The following DACH1 variants were observed in gnomAD, a reference collection of about 807,000 sequenced individuals.
DACH1 encodes dachshund family transcription factor 1.
In DACH1, 12 loss-of-function variants were observed where a neutral mutation model predicts 54.2. The observed-to-expected ratio is 0.22, with a 90% CI of 0.14 to 0.36. DACH1 has a LOEUF of 0.36. Ranked by LOEUF, DACH1 falls within the 10% of genes least tolerant of loss-of-function variation. The pLI is 1.00. For synonymous variants in DACH1, 386 were observed against 366.2 expected (o/e 1.05, Z -0.62); for missense variants, 805 against 929.8 (o/e 0.87, Z 1.75).
chr13:71,647,652 C>T (rs1878383404), intron 2 of DACH1, among the ~76,000 whole-genome samples: 1 of 152,092 alleles, frequency 6.6e-6, no homozygotes, highest in African/African-American at 2.4e-5. Flanking sequence ...TGGGATAGAA[C>T]ATGGGGCTGA....
intron 1 of DACH1, among the ~76,000 whole-genome samples, chr13:71,742,176 A>G (rs929309702): frequency 1.3e-5 from 2 of 152,132 alleles, no homozygotes. Flanking sequence ...GCCTCCTGCC[A>G]TGATTCTGAG....
intron 1 of DACH1, among the ~76,000 whole-genome samples, chr13:71,750,007 T>A (rs1392554313): frequency 6.6e-6 from 1 of 152,204 alleles, no homozygotes; most frequent in African/African-American, 2.4e-5. Context: ...AAGCAACTAT[T>A]TATGGAAGCA....
intron 1 of DACH1, among the ~76,000 whole-genome samples, chr13:71,684,801 C>T (rs181442731): frequency 6.6e-6 from 1 of 152,142 alleles, no homozygotes; most frequent in Non-Finnish European, 1.5e-5. Context: ...AATAATAACC[C>T]TATTCGTAAA....
intron 1 of DACH1, among the ~76,000 whole-genome samples, chr13:71,823,984 A>G (rs1374249452): frequency 6.6e-6 from 1 of 151,980 alleles, no homozygotes; most frequent in East Asian, 1.9e-4. Flanking sequence ...TATCAAGGAG[A>G]AATAGCTTAC....
At chr13:71,847,110 C>G (rs891263543) in intron 1 of DACH1, among the ~76,000 whole-genome samples, 1 of 151,982 alleles carries the variant, frequency 6.6e-6, no homozygotes, top group Non-Finnish European at 1.5e-5. Flanking sequence ...TGAGTATATA[C>G]ATATATGAAG....
At chr13:71,716,542 C>A (rs1202223044) in intron 1 of DACH1, among the ~76,000 whole-genome samples, 1 of 152,018 alleles carries the variant, frequency 6.6e-6, no homozygotes, top group Non-Finnish European at 1.5e-5. Flanking sequence ...ATGTGAGAAG[C>A]CCTACACCAA....
intron 1 of DACH1, among the ~76,000 whole-genome samples, chr13:71,732,122 C>T (rs1883777897): frequency 6.6e-6 from 1 of 152,124 alleles, no homozygotes; most frequent in Non-Finnish European, 1.5e-5. Context: ...TTATCTATAG[C>T]TCCATCTAGG....
intron 1 of DACH1, among the ~76,000 whole-genome samples, chr13:71,828,338 G>A (rs1594272008): frequency 1.3e-5 from 2 of 151,956 alleles, no homozygotes; most frequent in Non-Finnish European, 2.9e-5. Context: ...TAAGATCTGT[G>A]TCTGCTTCTC....
At position 71,577,299 on chromosome 13, in the gene DACH1, C is replaced by T. The variant is rs150470087; in HGVS notation, c.1127-4287G>A. Reference sequence around the variant, plus strand: ...TAGCTACCAAACGAGGTGGAAACATCCGCAATCCTTGAGTAATTCTGTTGG... The same window carrying T: ...TAGCTACCAAACGAGGTGGAAACATTCGCAATCCTTGAGTAATTCTGTTGG... On this transcript the variant is annotated intron_variant, in intron 3 of 10. Transcript: ENST00000613252. Among the ~76,000 whole-genome samples, 353 of 152,270 alleles carry T rather than the reference C, an allele frequency of 2.3e-3. 1 individual carries two copies. The highest frequency in any genetic ancestry group is 4.4e-3 in the Non-Finnish European group (297 of 68,016).
chr13:71,611,038 T>C (rs933148067), intron 3 of DACH1, among the ~76,000 whole-genome samples: 3 of 152,190 alleles, frequency 2.0e-5, no homozygotes, highest in Admixed American at 2.0e-4. Flanking sequence ...TATGATGCAA[T>C]GATCTCGTTG....
At chr13:71,502,615 G>C (rs562503715) in intron 6 of DACH1, among the ~76,000 whole-genome samples, 1 of 152,326 alleles carries the variant, frequency 6.6e-6, no homozygotes, top group South Asian at 2.1e-4. Context: ...TTCAGAAGGA[G>C]CAAGTCTCAT....
intron 1 of DACH1, among the ~76,000 whole-genome samples, chr13:71,780,248 G>A (rs1350501553): frequency 6.6e-6 from 1 of 152,074 alleles, no homozygotes; most frequent in Non-Finnish European, 1.5e-5. Context: ...CAAGTTGAGG[G>A]AACTGAGGAA....
intron 1 of DACH1, among the ~76,000 whole-genome samples, chr13:71,811,319 T>A (rs1566515368): frequency 6.6e-6 from 1 of 152,134 alleles, no homozygotes. Flanking sequence ...TAAAAAGTAG[T>A]TATTTAAAAA....
intron 1 of DACH1, among the ~76,000 whole-genome samples, chr13:71,746,448 GT>G (rs943230254): frequency 2.7e-4 from 41 of 152,052 alleles, no homozygotes; most frequent in African/African-American, 9.9e-4. Context: ...ACTGCAATAT[GT>G]TTTTTAAATG....
chr13:71,694,283 G>A (rs1041225559), intron 1 of DACH1, among the ~76,000 whole-genome samples: 2 of 152,194 alleles, frequency 1.3e-5, no homozygotes, highest in South Asian at 2.1e-4. Context: ...ACGTAATCCT[G>A]AAGCACAAAT....
intron 4 of DACH1, among the ~76,000 whole-genome samples, chr13:71,562,196 A>G (rs1284623275): frequency 1.3e-5 from 2 of 152,180 alleles, no homozygotes; most frequent in Non-Finnish European, 2.9e-5. Context: ...TTATACTAAA[A>G]AGCATTAGCC....
chr13:71,712,155 A>C (rs1418201227), intron 1 of DACH1, among the ~76,000 whole-genome samples: 2 of 152,150 alleles, frequency 1.3e-5, no homozygotes, highest in Non-Finnish European at 2.9e-5. Context: ...AAAATGACCC[A>C]TAATGTCTTT....
At chr13:71,526,927 C>T (rs1882009520) in intron 6 of DACH1, among the ~76,000 whole-genome samples, 2 of 151,616 alleles carry the variant, frequency 1.3e-5, no homozygotes, top group South Asian at 4.2e-4. Context: ...AGGCTCAGTT[C>T]TTCGTTGGAA....
chr13:71,627,776 C>CA (rs750553978), intron 3 of DACH1, among the ~76,000 whole-genome samples: 4 of 152,000 alleles, frequency 2.6e-5, no homozygotes, highest in Non-Finnish European at 4.4e-5. Context: ...GAATGTCCTA[C>CA]AAAATCTCTA....
Sources: allele counts gnomAD v4.1 joint callset (sites outside exome capture counted in the v4.1 genomes callset), GRCh38; gene constraint gnomAD v4.1.1; transcripts MANE v1.5; gene names NCBI Gene and HGNC (gene_info 2026-07-23, HGNC 2026-07-21).